ZCCHC2: variants seen among roughly 807,000 people sequenced by gnomAD.
The protein encoded by ZCCHC2 is zinc finger CCHC domain-containing protein 2.
A neutral mutation model predicts 103.6 loss-of-function variants in ZCCHC2; 39 were observed. The observed-to-expected ratio is 0.38, with a 90% CI of 0.29 to 0.49. ZCCHC2 has a LOEUF of 0.49. Ranked by LOEUF, ZCCHC2 falls within the 20% of genes least tolerant of loss-of-function variation. The probability of loss-of-function intolerance (pLI) is 0.96; values close to 1 mark genes in which losing one functional copy is unlikely to be tolerated. For synonymous variants in ZCCHC2, 687 were observed against 608.9 expected (o/e 1.13, Z -1.89); for missense variants, 1,483 against 1,491.0 (o/e 0.99, Z 0.09).
intron 1 of ZCCHC2, chr18:62,539,461 C>A: frequency 2.3e-6 from 1 of 426,676 alleles, no homozygotes; most frequent in Non-Finnish European, 4.3e-6. Context: ...AAGCAATTTC[C>A]TGTGTCCCAA....
At position 62,523,475 on chromosome 18, in the gene ZCCHC2, G is replaced by A; in HGVS notation, c.51G>A (p.Pro17=). The A allele has an allele frequency of 2.8e-6, 3 of 1,078,216 alleles. No homozygotes were observed. The highest frequency in any genetic ancestry group is 3.4e-6 in the Non-Finnish European group (3 of 879,524). The allele number at this position is 1,078,216 out of a possible 1,614,324, so 66.8% of individuals were successfully genotyped here. ...AGCCAACGCACCCCGCGGAGCCGCC[G>A]CCCGAGGCGGAGGAGCCCGAGGCGG... The part of the protein sequence containing the change: ...PLKPTHPAEP[P]PEAEEPEADA... Residue 17 remains proline (P), a synonymous_variant, in exon 1 of 14, where the codon CCG becomes CCA. Coordinates refer to ENST00000269499, the MANE Select transcript of ZCCHC2 (RefSeq NM_017742.6).
chr18:62,533,707 A>T (rs548113688), intron 1 of ZCCHC2, among the ~76,000 whole-genome samples: 53 of 151,548 alleles, frequency 3.5e-4, no homozygotes, highest in African/African-American at 1.2e-3. Context: ...TCTCTGATTT[A>T]AAAAAAATAC....
intron 4 of ZCCHC2, among the ~76,000 whole-genome samples, chr18:62,548,767 CA>C (rs912797777): frequency 3.3e-5 from 5 of 151,230 alleles, no homozygotes; most frequent in African/African-American, 7.3e-5. Context: ...ACTGAAAATA[CA>C]AAAAAAATTA....
intron 1 of ZCCHC2, among the ~76,000 whole-genome samples, chr18:62,534,597 C>G (rs1267553311): frequency 6.6e-6 from 1 of 152,160 alleles, no homozygotes; most frequent in Non-Finnish European, 1.5e-5. Flanking sequence ...AGTGAACGCT[C>G]TATAACATAA....
chr18:62,552,596 G>A (rs1293283039), intron 5 of ZCCHC2: 1 of 152,094 alleles, frequency 6.6e-6, no homozygotes, highest in South Asian at 2.1e-4. Flanking sequence ...TCTCAGCTAG[G>A]ACCCCAATTA....
chr18:62,570,248 G>A lies in ZCCHC2; in HGVS notation c.1975+17G>A, dbSNP rs1916541400. On this transcript the variant is annotated intron_variant, in intron 12 of 13. Coordinates refer to ENST00000269499, the MANE Select transcript of ZCCHC2 (RefSeq NM_017742.6). ...AAGACAGAGGTTTGCTCTTTGAAGT[G>A]GGAGTATTGTTGGCATGGCAGGGGT... 6.2e-7 allele frequency: 1 copy of A among 1,609,470 alleles called. No individual in the cohort carries two copies. The highest frequency in any genetic ancestry group is 8.5e-7 in the Non-Finnish European group (1 of 1,177,732).
rs1294746481 is a variant in ZCCHC2, at chr18:62,560,518, T to C, written c.1493-69T>C. 8 of 1,273,332 alleles carry C rather than the reference T, an allele frequency of 6.3e-6. No individual in the cohort carries two copies. In the East Asian group the frequency reaches 7.0e-5, roughly 11 times the overall value. The allele number at this position is 1,273,332 out of a possible 1,614,324, so 78.9% of individuals were successfully genotyped here. A position where few individuals can be genotyped will look rare whatever the true frequency, so the allele number is the denominator to read the frequency against. Reference sequence around the variant, plus strand: ...CACCAGTGGTTATGATCATACAAACTAGTAGCATCCTACTGTTGGTTTTTG... The same window carrying C: ...CACCAGTGGTTATGATCATACAAACCAGTAGCATCCTACTGTTGGTTTTTG... On this transcript the variant is annotated intron_variant, in intron 7 of 13. Transcript: ENST00000269499.
chr18:62,556,135 T>C, intron 5 of ZCCHC2, 68 bp from the exon 6 acceptor site: 8 of 1,299,514 alleles, frequency 6.2e-6, no homozygotes, highest in African/African-American at 1.5e-5. Context: ...TGCTTTATAA[T>C]TGAAACTGAG....
At position 62,543,714 on chromosome 18, in the gene ZCCHC2, G is replaced by A. The variant is rs114684589; in HGVS notation, c.1129-1088G>A. On this transcript the variant is annotated intron_variant, in intron 3 of 13. Transcript: ENST00000269499. ...CACCCCAGTTCATGTGCATCTCTCC[G>A]TTCTTGTACCATGCCCTATGCGTTT... Among the ~76,000 whole-genome samples, 1,003 of 152,044 alleles carry A rather than the reference G, an allele frequency of 6.6e-3. 7 individuals are homozygous for A. Among genetic ancestry groups the A allele is most frequent in the African/African-American group, 0.023 (954 of 41,472 alleles).
At chr18:62,526,250 C>T (rs1371036975) in intron 1 of ZCCHC2, 2 of 152,196 alleles carry the variant, frequency 1.3e-5, no homozygotes, top group African/African-American at 4.8e-5. Flanking sequence ...TGAGGTTGGG[C>T]ATCCTGCCAT....
chr18:62,562,458 A>G (rs1327200931), intron 8 of ZCCHC2, among the ~76,000 whole-genome samples: 2 of 151,628 alleles, frequency 1.3e-5, no homozygotes, highest in Non-Finnish European at 2.9e-5. Context: ...TGAGTTTGTA[A>G]TATTAGTTTA....
At chr18:62,572,364 T>A (rs1916630150) in intron 12 of ZCCHC2, among the ~76,000 whole-genome samples, 1 of 152,234 alleles carries the variant, frequency 6.6e-6, no homozygotes, top group African/African-American at 2.4e-5. Context: ...AGTGTACATC[T>A]GTACACTTGG....
rs1465176183 is a variant in ZCCHC2, at chr18:62,544,798, T to G, written c.1129-4T>G. 2 of 1,541,596 alleles carry G rather than the reference T, an allele frequency of 1.3e-6. No homozygotes were observed. The highest frequency in any genetic ancestry group is 1.7e-6 in the Non-Finnish European group (2 of 1,145,098). ...ATATAATATGTGTGTTTTTTTTAAA[T>G]CAGGTAAATTGGTCTGATCTTTCAG... On this transcript the variant is annotated splice_region_variant and splice_polypyrimidine_tract_variant and intron_variant, in intron 3 of 13. Coordinates refer to ENST00000269499, the MANE Select transcript of ZCCHC2 (RefSeq NM_017742.6).
At chr18:62,524,625 T>A (rs1300926087) in intron 1 of ZCCHC2, 1 of 464,280 alleles carries the variant, frequency 2.2e-6, no homozygotes, top group Non-Finnish European at 3.6e-6. Flanking sequence ...CGTGCCACGG[T>A]GTTGCCACGG....
chr18:62,535,975 A>G (rs570309399), intron 1 of ZCCHC2, among the ~76,000 whole-genome samples: 2 of 152,376 alleles, frequency 1.3e-5, no homozygotes, highest in South Asian at 4.1e-4. Context: ...GGATTTTTAA[A>G]TTTATAGTCT....
chr18:62,528,916 T>C (rs1914559832), intron 1 of ZCCHC2, among the ~76,000 whole-genome samples: 1 of 152,054 alleles, frequency 6.6e-6, no homozygotes, highest in East Asian at 1.9e-4. Flanking sequence ...ATTCCAGCAC[T>C]TTGAAAGCCA....
intron 2 of ZCCHC2, among the ~76,000 whole-genome samples, chr18:62,540,581 T>A (rs1389997480): frequency 6.6e-6 from 1 of 152,152 alleles, no homozygotes; most frequent in Non-Finnish European, 1.5e-5. Flanking sequence ...ACTCCTATCT[T>A]CCCAACTAAA....
intron 1 of ZCCHC2, among the ~76,000 whole-genome samples, chr18:62,534,642 G>T (rs1166676845): frequency 1.3e-5 from 2 of 152,210 alleles, no homozygotes; most frequent in Non-Finnish European, 2.9e-5. Context: ...TGTTAGAAAT[G>T]TCTAAATTGG....
chr18:62,586,321 C>T (rs1917169839), exon 15 of ZCCHC2: 1 of 151,910 alleles, frequency 6.6e-6, no homozygotes, highest in South Asian at 2.1e-4. Context: ...ACCCCCAACC[C>T]GTCACAGCGT....
Sources: allele counts gnomAD v4.1 joint callset (sites outside exome capture counted in the v4.1 genomes callset), GRCh38; gene constraint gnomAD v4.1.1; transcripts MANE v1.5; gene names NCBI Gene and HGNC (gene_info 2026-07-23, HGNC 2026-07-21).